Variants in C1GALT1 observed in about 807,000 individuals in gnomAD.
C1GALT1 encodes glycoprotein-N-acetylgalactosamine 3-beta-galactosyltransferase 1.
C1GALT1 carries 11 observed loss-of-function variants against 31.0 expected under a neutral mutation model. The ratio of observed to expected loss-of-function variants is 0.36; its 90% CI spans 0.22 to 0.59. The LOEUF is 0.59. Ranked by LOEUF, C1GALT1 falls within the 20% of genes least tolerant of loss-of-function variation. The pLI is 0.79. For missense variants in C1GALT1, 424 were observed against 425.2 expected (o/e 1.00, Z 0.03); for synonymous variants, 175 against 143.6 (o/e 1.22, Z -1.56).
chr7:7,234,746 A>G (rs1407484339), intron 2 of C1GALT1: 2 of 476,772 alleles, frequency 4.2e-6, no homozygotes, highest in Admixed American at 3.8e-5. Flanking sequence ...TTAAGTAGAA[A>G]TAGTTCAGAA....
chr7:7,244,721 C>T lies in C1GALT1; in HGVS notation c.*994C>T, dbSNP rs1369407129. 3 of 152,090 alleles carry T rather than the reference C, an allele frequency of 2.0e-5. No individual in the cohort carries two copies. Among genetic ancestry groups the T allele is most frequent in the Admixed American group, 6.6e-5 (1 of 15,260 alleles). The allele number at this position is 152,090 out of a possible 1,614,324, so 9.4% of individuals were successfully genotyped here. ...GGGATGAGAACTTGTTTGTGCCTTT[C>T]ATAACTTGTTTAAAGCAGAGTTTTA... On this transcript the variant is annotated 3_prime_UTR_variant, in exon 4 of 4. Transcript: ENST00000436587.
chr7:7,218,934 C>A (rs183314296), intron 1 of C1GALT1, among the ~76,000 whole-genome samples: 3 of 151,618 alleles, frequency 2.0e-5, no homozygotes, highest in Non-Finnish European at 2.9e-5. Flanking sequence ...CCGCAGTTCA[C>A]GCCATTCTCC....
At chr7:7,209,655 A>T (rs978643030) in intron 1 of C1GALT1, 34 of 152,356 alleles carry the variant, frequency 2.2e-4, no homozygotes, top group African/African-American at 7.2e-4. Flanking sequence ...GAGAAAGAAT[A>T]TTGGATGTTC....
chr7:7,162,091 T>C (rs1289761891), intron 2 of C1GALT1, among the ~76,000 whole-genome samples: 1 of 151,220 alleles, frequency 6.6e-6, no homozygotes, highest in Non-Finnish European at 1.5e-5. Context: ...TTTTTTTTAT[T>C]AGCTATTTTT....
At chr7:7,226,030 C>A (rs919835076) in intron 1 of C1GALT1, among the ~76,000 whole-genome samples, 1 of 152,086 alleles carries the variant, frequency 6.6e-6, no homozygotes. Context: ...ATTAACCTGT[C>A]TCATACTCAG....
At chr7:7,176,567 A>G (rs1274228439) in intron 2 of C1GALT1, among the ~76,000 whole-genome samples, 1 of 152,204 alleles carries the variant, frequency 6.6e-6, no homozygotes, top group Non-Finnish European at 1.5e-5. Context: ...ATTTTTCTAG[A>G]TGACACAAGT....
At position 7,189,690 on chromosome 7, in the gene C1GALT1, G is replaced by A. The variant is rs74464523; in HGVS notation, c.-18+6870G>A. ...TTAACCAGCGACTTCATTGCCAGAA[G>A]TTTATCCAATGAATAAACTCATAGT... On this transcript the variant is annotated intron_variant, in intron 1 of 3. Coordinates refer to ENST00000436587, the MANE Select transcript of C1GALT1 (RefSeq NM_020156.5). Among the ~76,000 whole-genome samples the A allele has an allele frequency of 4.2e-3, 599 of 143,688 alleles. 6 individuals are homozygous for A. Among genetic ancestry groups the A allele is most frequent in the African/African-American group, 0.016 (570 of 35,378 alleles). The allele number at this position is 143,688 out of a possible 152,430, so 94.3% of individuals were successfully genotyped here.
chr7:7,182,884 C>A lies in C1GALT1; in HGVS notation c.-18+64C>A, dbSNP rs190820704. On this transcript the variant is annotated intron_variant, in intron 1 of 3. Transcript: ENST00000436587. ...GGTCTCGTCTCCCCTCGCCCTCCCC[C>A]CTCTCCGGGTTGGTGGGGAAGCGTG... is the stretch of plus-strand genomic sequence containing the variant. 4,400 of 978,098 alleles carry A rather than the reference C, an allele frequency of 4.5e-3. 13 individuals carry two copies. The highest frequency in any genetic ancestry group is 5.1e-3 in the Non-Finnish European group (4,180 of 823,302). 60.6% of individuals were successfully genotyped at this position (978,098 alleles called of 1,614,324 possible).
chr7:7,228,847 G>T (rs759384971), intron 1 of C1GALT1, among the ~76,000 whole-genome samples: 8 of 152,160 alleles, frequency 5.3e-5, no homozygotes, highest in Non-Finnish European at 1.2e-4. Context: ...CAGGATAGAT[G>T]CCTTGCTTAA....
At chr7:7,161,602 C>T (rs767381194) in intron 2 of C1GALT1, among the ~76,000 whole-genome samples, 1 of 152,018 alleles carries the variant, frequency 6.6e-6, no homozygotes, top group African/African-American at 2.4e-5. Flanking sequence ...CCAGCACAAC[C>T]ACTAGAAAAG....
intron 1 of C1GALT1, among the ~76,000 whole-genome samples, chr7:7,228,694 A>C (rs528440020): frequency 6.6e-6 from 1 of 152,360 alleles, no homozygotes; most frequent in Admixed American, 6.5e-5. Context: ...ACAACACAAG[A>C]GGAGCCAACA....
At chr7:7,235,599 G>A (rs1327863005) in intron 2 of C1GALT1, among the ~76,000 whole-genome samples, 1 of 152,138 alleles carries the variant, frequency 6.6e-6, no homozygotes, top group African/African-American at 2.4e-5. Flanking sequence ...TAAGCCGTAC[G>A]AGGCCTCACT....
At chr7:7,222,198 G>GTATAAAATTCT (rs745910561) in intron 1 of C1GALT1, among the ~76,000 whole-genome samples, 123 of 152,208 alleles carry the variant, frequency 8.1e-4, no homozygotes, top group Non-Finnish European at 1.5e-3. Flanking sequence ...TCTTTAATTG[G>GTATAAAATTCT]AGTGAAATCA....
chr7:7,241,016 T>G (rs1440443856), intron 3 of C1GALT1, among the ~76,000 whole-genome samples: 2 of 152,022 alleles, frequency 1.3e-5, no homozygotes, highest in East Asian at 3.8e-4. Flanking sequence ...CCCTTCCCAC[T>G]CCACCTTCTT....
At chr7:7,237,961 AC>A (rs1485555640) in intron 2 of C1GALT1, among the ~76,000 whole-genome samples, 1 of 152,178 alleles carries the variant, frequency 6.6e-6, no homozygotes, top group Non-Finnish European at 1.5e-5. Flanking sequence ...TGCATTTCTA[AC>A]AGGCTCCCAG....
chr7:7,229,204 T>A (rs1782947104), intron 1 of C1GALT1, among the ~76,000 whole-genome samples: 1 of 152,188 alleles, frequency 6.6e-6, no homozygotes, highest in Admixed American at 6.5e-5. Flanking sequence ...AAATACTGTC[T>A]TTGTTCTTTT....
chr7:7,196,869 GA>G (rs1167230879), intron 1 of C1GALT1, among the ~76,000 whole-genome samples: 11 of 152,270 alleles, frequency 7.2e-5, no homozygotes, highest in Admixed American at 2.6e-4. Flanking sequence ...CTTCTTTTGA[GA>G]AGTACCTGTT....
chr7:7,211,627 C>T (rs1782008580), intron 1 of C1GALT1, among the ~76,000 whole-genome samples: 1 of 152,158 alleles, frequency 6.6e-6, no homozygotes. Context: ...AGATAATTTC[C>T]ATCTAAAATT....
chr7:7,227,537 G>A (rs1436520809), intron 1 of C1GALT1, among the ~76,000 whole-genome samples: 3 of 151,948 alleles, frequency 2.0e-5, no homozygotes, highest in African/African-American at 4.8e-5. Flanking sequence ...CGGCTAAAAC[G>A]GTGAAACCCC....
Sources: gnomAD v4.1 joint callset for allele counts (sites outside exome capture counted in the v4.1 genomes callset) on GRCh38, gnomAD v4.1.1 for gene constraint, MANE v1.5 for transcripts, NCBI Gene and HGNC (gene_info 2026-07-23, HGNC 2026-07-21) for gene names.